ZCCHC24: variants seen among roughly 807,000 people sequenced by gnomAD.
The protein encoded by ZCCHC24 is zinc finger CCHC-type containing 24.
Under a neutral mutation model 26.2 loss-of-function variants are expected in ZCCHC24, and 10 were observed. The ratio of observed to expected loss-of-function variants is 0.38; its 90% confidence interval spans 0.24 to 0.65. The LOEUF is 0.65. Among genes scored for constraint, ZCCHC24 ranks in the 30% least tolerant of loss-of-function variants. The pLI, the probability that ZCCHC24 is intolerant of heterozygous loss-of-function variation, is 0.54. For synonymous variants in ZCCHC24, 144 were observed against 147.1 expected, an observed-to-expected ratio of 0.98 and a Z score of 0.15; for missense variants, 243 against 329.1, an observed-to-expected ratio of 0.74 and a Z score of 2.03.
At chr10:79,388,770 ATGT>A (rs1457480761) in intron 3 of ZCCHC24, among the ~76,000 whole-genome samples, 4,849 of 35,534 alleles carry the variant, frequency 0.14, 128 homozygotes, top group East Asian at 0.48. Context: ...AGGCCACCTA[ATGT>A]CGCCACCTAA....
rs149066940 is a variant in ZCCHC24 at position 79,408,200 on chromosome 10, G to A, written c.448-13760C>T. Among the ~76,000 whole-genome samples, 1,142 of 152,306 alleles carry A rather than the reference G, an allele frequency of 7.5e-3. 10 individuals are homozygous for A. Among genetic ancestry groups the A allele is most frequent in the Middle Eastern group, 0.02 (6 of 294 alleles). On this transcript the variant is annotated intron_variant, in intron 2 of 3. Coordinates refer to ENST00000372336, the MANE Select transcript of ZCCHC24 (RefSeq NM_153367.4). ...ATGTGGAGGCTGGTGGCAAGATTGGGTGCCCAGAAGCCTGGACGGAAGCCA... is the reference window on the plus strand; with the variant it reads ...ATGTGGAGGCTGGTGGCAAGATTGGATGCCCAGAAGCCTGGACGGAAGCCA...
intron 2 of ZCCHC24, among the ~76,000 whole-genome samples, chr10:79,397,629 G>T (rs1165334918): frequency 1.3e-5 from 2 of 152,174 alleles, no homozygotes; most frequent in African/African-American, 4.8e-5. Flanking sequence ...GGCAGGCATG[G>T]GTGCCTCCCT....
At chr10:79,411,604 C>G (rs927910092) in intron 2 of ZCCHC24, among the ~76,000 whole-genome samples, 1 of 152,216 alleles carries the variant, frequency 6.6e-6, no homozygotes, top group Non-Finnish European at 1.5e-5. Flanking sequence ...CAGAGCAGGA[C>G]TGCCAAAGTC....
At chr10:79,387,244 C>T (rs934034820) in intron 3 of ZCCHC24, among the ~76,000 whole-genome samples, 7 of 152,284 alleles carry the variant, frequency 4.6e-5, no homozygotes, top group Middle Eastern at 3.4e-3. Flanking sequence ...ACTGGGTGAT[C>T]GCAGGGAGCC....
intron 1 of ZCCHC24, among the ~76,000 whole-genome samples, chr10:79,433,013 G>A (rs1857157150): frequency 6.6e-6 from 1 of 152,156 alleles, no homozygotes; most frequent in South Asian, 2.1e-4. Context: ...GCTAAAATGA[G>A]GTCATGAATG....
chr10:79,404,432 G>A, intron 2 of ZCCHC24, among the ~76,000 whole-genome samples: 1 of 152,178 alleles, frequency 6.6e-6, no homozygotes. Flanking sequence ...AAGAGGGGCC[G>A]GTCCAGAGGG....
chr10:79,441,016 T>C (rs529928242), intron 1 of ZCCHC24, among the ~76,000 whole-genome samples: 1 of 150,632 alleles, frequency 6.6e-6, no homozygotes, highest in Non-Finnish European at 1.5e-5. Flanking sequence ...GCTGGGAGCA[T>C]CCTCCCGAAC....
chr10:79,413,318 C>A (rs1856816154), intron 2 of ZCCHC24, among the ~76,000 whole-genome samples: 1 of 152,110 alleles, frequency 6.6e-6, no homozygotes, highest in Non-Finnish European at 1.5e-5. Flanking sequence ...AGTGGCGGGA[C>A]CCCTCCCCAC....
At chr10:79,422,763 G>A (rs761830185) in intron 2 of ZCCHC24, among the ~76,000 whole-genome samples, 31 of 152,148 alleles carry the variant, frequency 2.0e-4, no homozygotes, top group Non-Finnish European at 3.4e-4. Flanking sequence ...CTCTCGCGGC[G>A]CCCTGTTCTT....
At chr10:79,438,252 CTCT>C (rs1299235421) in intron 1 of ZCCHC24, among the ~76,000 whole-genome samples, 2 of 152,172 alleles carry the variant, frequency 1.3e-5, no homozygotes, top group African/African-American at 4.8e-5. Context: ...ACCCACACTC[CTCT>C]GTTTGGGACA....
At chr10:79,416,350 C>T (rs369074985) in intron 2 of ZCCHC24, among the ~76,000 whole-genome samples, 7 of 152,318 alleles carry the variant, frequency 4.6e-5, no homozygotes, top group African/African-American at 1.2e-4. Flanking sequence ...GAACCAAACG[C>T]GTTGGTAATG....
chr10:79,405,492 G>A (rs75801646), intron 2 of ZCCHC24, among the ~76,000 whole-genome samples: 3,038 of 152,332 alleles, frequency 0.02, 131 homozygotes, highest in East Asian at 0.11. Flanking sequence ...TGATCATGGC[G>A]TGGGCTCTGT....
chr10:79,433,025 A>G (rs1249140835), intron 1 of ZCCHC24, among the ~76,000 whole-genome samples: 2 of 152,202 alleles, frequency 1.3e-5, no homozygotes, highest in Non-Finnish European at 2.9e-5. Flanking sequence ...TCATGAATGG[A>G]AAGTAGTTTA....
chr10:79,427,034 A>G (rs1857036892), intron 2 of ZCCHC24, among the ~76,000 whole-genome samples: 1 of 152,180 alleles, frequency 6.6e-6, no homozygotes, highest in Admixed American at 6.5e-5. Flanking sequence ...TTAGAAAGCT[A>G]GGTATACTAA....
chr10:79,430,855 G>A (rs1412689500), intron 2 of ZCCHC24, among the ~76,000 whole-genome samples: 2 of 152,086 alleles, frequency 1.3e-5, no homozygotes, highest in African/African-American at 2.4e-5. Flanking sequence ...ATACCTCCTC[G>A]GGGCTCCAGA....
intron 2 of ZCCHC24, among the ~76,000 whole-genome samples, chr10:79,411,939 T>C (rs1856799939): frequency 6.6e-6 from 1 of 152,152 alleles, no homozygotes; most frequent in African/African-American, 2.4e-5. Flanking sequence ...GCACCCCACA[T>C]GTGCCCCTTA....
chr10:79,383,668 C>A lies in ZCCHC24; in HGVS notation c.*2677G>T. 1 of 148,242 alleles carries A rather than the reference C, an allele frequency of 6.7e-6. No homozygotes were observed. Among genetic ancestry groups the A allele is most frequent in the African/African-American group, 2.5e-5 (1 of 39,940 alleles). 9.2% of individuals were successfully genotyped at this position (148,242 alleles called of 1,614,324 possible). A position where few individuals can be genotyped will look rare whatever the true frequency, so the allele number is the denominator to read the frequency against. ...TTAAAAAAAGGCCCTCAAATATATA[C>A]AGACAAAAAATTACTGTGAAGATTT... is the stretch of plus-strand genomic sequence containing the variant. On this transcript the variant is annotated 3_prime_UTR_variant, in exon 4 of 4. Transcript: ENST00000372336.
chr10:79,392,493 G>C (rs938100901), intron 3 of ZCCHC24, among the ~76,000 whole-genome samples: 2 of 152,066 alleles, frequency 1.3e-5, no homozygotes, highest in African/African-American at 4.8e-5. Context: ...CTCCTGTGCC[G>C]ATGGGTGAAG....
chr10:79,395,197 A>G (rs943215371), intron 2 of ZCCHC24, among the ~76,000 whole-genome samples: 5 of 147,338 alleles, frequency 3.4e-5, no homozygotes, highest in African/African-American at 1.2e-4. Flanking sequence ...AGGTGCATAC[A>G]GCTGTGCCTG....
Sources: gnomAD v4.1 joint callset for allele counts (sites outside exome capture counted in the v4.1 genomes callset) on GRCh38, gnomAD v4.1.1 for gene constraint, MANE v1.5 for transcripts, NCBI Gene and HGNC (gene_info 2026-07-23, HGNC 2026-07-21) for gene names.